Variants in PDS5A observed in about 807,000 individuals in gnomAD.
PDS5A encodes PDS5 cohesin associated factor A.
A neutral mutation model predicts 167.1 loss-of-function variants in PDS5A; 42 were observed. The ratio of observed to expected loss-of-function variants is 0.25; its 90% CI spans 0.20 to 0.33. PDS5A has a LOEUF of 0.33. Among genes scored for constraint, PDS5A ranks in the 10% least tolerant of loss-of-function variants. The pLI is 1.00. For synonymous variants in PDS5A, 553 were observed against 554.6 expected, an observed-to-expected ratio of 1.00 and a Z score of 0.04; for missense variants, 1,033 against 1,605.9, an observed-to-expected ratio of 0.64 and a Z score of 6.10.
intron 2 of PDS5A, chr4:39,974,142 C>G: frequency 1.7e-6 from 1 of 573,972 alleles, no homozygotes; most frequent in South Asian, 1.4e-5. Context: ...AAAAACCGTG[C>G]TGCATACTCT....
chr4:39,873,157 A>G lies in PDS5A; in HGVS notation c.2278-13T>C. Reference sequence around the variant, plus strand: ...TCCTACTGAGTGGCTATAAAAATAAAACAGACAAAATTACCAATTTGTTTG... The same window carrying G: ...TCCTACTGAGTGGCTATAAAAATAAGACAGACAAAATTACCAATTTGTTTG... On this transcript the variant is annotated splice_polypyrimidine_tract_variant and intron_variant, in intron 20 of 32. Coordinates refer to ENST00000303538, the MANE Select transcript of PDS5A (RefSeq NM_001100399.2). 1 of 1,446,938 alleles carries G rather than the reference A, an allele frequency of 6.9e-7. No homozygotes were observed. 89.6% of individuals were successfully genotyped at this position (1,446,938 alleles called of 1,614,324 possible).
chr4:39,973,379 G>A (rs1730753181), intron 2 of PDS5A: 3 of 1,601,444 alleles, frequency 1.9e-6, no homozygotes, highest in African/African-American at 2.7e-5. Context: ...TGTTGCTGAG[G>A]ATTGCGAACT....
rs573474029 is a variant in PDS5A at position 39,862,997 on chromosome 4, T to C, written c.2843A>G (p.Glu948Gly). ...ACACAAGGCAAAGATCGCCATATAC[T>C]CCAATGGGAGCAGTAACTTCACAAG... is the stretch of plus-strand genomic sequence containing the variant. ...KALVKLLLPLEYMAIFALCAK... is the reference protein window; with the variant it reads ...KALVKLLLPLGYMAIFALCAK... Residue 948 changes from glutamate to glycine, a missense_variant, in exon 25 of 33, where the codon GAG becomes GGG. Coordinates refer to ENST00000303538, the MANE Select transcript of PDS5A (RefSeq NM_001100399.2). 3 of 1,613,464 alleles carry C rather than the reference T, an allele frequency of 1.9e-6. No individual in the cohort carries two copies. The highest frequency in any genetic ancestry group is 2.7e-5 in the African/African-American group (2 of 75,038).
intron 2 of PDS5A, among the ~76,000 whole-genome samples, chr4:39,942,197 ATATGTT>A (rs1200471298): frequency 6.6e-6 from 1 of 152,148 alleles, no homozygotes; most frequent in Non-Finnish European, 1.5e-5. Flanking sequence ...ATACATATGT[ATATGTT>A]TATATATAAT....
At chr4:39,830,955 G>T (rs1334379555) in intron 32 of PDS5A, among the ~76,000 whole-genome samples, 1 of 152,218 alleles carries the variant, frequency 6.6e-6, no homozygotes, top group Non-Finnish European at 1.5e-5. Context: ...TTACAGTTCT[G>T]CCGGGCGCAA....
intron 2 of PDS5A, among the ~76,000 whole-genome samples, chr4:39,948,205 C>T (rs1404504605): frequency 9.5e-6 from 1 of 105,768 alleles, no homozygotes; most frequent in Non-Finnish European, 2.0e-5. Flanking sequence ...CAAGATATCC[C>T]GTCTCAAAAA....
chr4:39,830,597 G>C lies in PDS5A; in HGVS notation c.4011-5109C>G, dbSNP rs147758327. On this transcript the variant is annotated intron_variant, in intron 32 of 32. Coordinates refer to ENST00000303538, the MANE Select transcript of PDS5A (RefSeq NM_001100399.2). Reference sequence around the variant, plus strand: ...TGTGCCACCACGCCCAGCTAATTTTGTATTTTTAGTAGAGATAGGGTTTCA... The same window carrying C: ...TGTGCCACCACGCCCAGCTAATTTTCTATTTTTAGTAGAGATAGGGTTTCA... Among the ~76,000 whole-genome samples, 396 of 152,136 alleles carry C rather than the reference G, an allele frequency of 2.6e-3. 2 individuals carry two copies. The highest frequency in any genetic ancestry group is 5.0e-3 in the Non-Finnish European group (338 of 67,986).
intron 2 of PDS5A, among the ~76,000 whole-genome samples, chr4:39,962,264 G>A (rs918006292): frequency 6.6e-6 from 1 of 151,666 alleles, no homozygotes; most frequent in Non-Finnish European, 1.5e-5. Flanking sequence ...CACTGTGTTA[G>A]CCAGGATGGT....
At chr4:39,897,142 C>G (rs980397487) in intron 16 of PDS5A, among the ~76,000 whole-genome samples, 2 of 151,926 alleles carry the variant, frequency 1.3e-5, no homozygotes, top group African/African-American at 4.8e-5. Context: ...GCCTGTAACC[C>G]CAGCACTTTG....
intron 13 of PDS5A, among the ~76,000 whole-genome samples, chr4:39,900,961 A>G (rs535978691): frequency 2.6e-5 from 4 of 152,368 alleles, no homozygotes; most frequent in Admixed American, 6.5e-5. Flanking sequence ...GAAGCACTAT[A>G]GACTATTTTG....
intron 31 of PDS5A, 25 bp from the exon 32 acceptor site, chr4:39,838,233 T>A: frequency 7.2e-7 from 1 of 1,391,502 alleles, no homozygotes; most frequent in Non-Finnish European, 9.7e-7. Context: ...AACAATTCTA[T>A]AAACACAAAT....
chr4:39,970,648 T>C (rs942909877), intron 2 of PDS5A, among the ~76,000 whole-genome samples: 3 of 152,012 alleles, frequency 2.0e-5, no homozygotes, highest in African/African-American at 7.3e-5. Context: ...GCCACTAAAC[T>C]GCCCTGTGAC....
chr4:39,825,382 T>G lies in PDS5A; in HGVS notation c.*103A>C. ...AAGGCAGAGAGTGTGTGTTCTGAAG[T>G]GAGCTTCATTTTCTGTTCAGGGACA... On this transcript the variant is annotated 3_prime_UTR_variant, in exon 33 of 33. Transcript: ENST00000303538. The G allele has an allele frequency of 1.1e-6, 1 of 904,136 alleles. No individual in the cohort carries two copies. Among genetic ancestry groups the G allele is most frequent in the Non-Finnish European group, 1.7e-6 (1 of 578,040 alleles). 56.0% of individuals were successfully genotyped at this position (904,136 alleles called of 1,614,324 possible).
chr4:39,831,647 G>C (rs1365483597), intron 32 of PDS5A, among the ~76,000 whole-genome samples: 1 of 151,488 alleles, frequency 6.6e-6, no homozygotes, highest in Non-Finnish European at 1.5e-5. Flanking sequence ...GGAGGCCAAG[G>C]TGGGCGGATC....
At chr4:39,922,596 C>A in intron 6 of PDS5A, 26 bp downstream of exon 6, 1 of 1,507,118 alleles carries the variant, frequency 6.6e-7, no homozygotes, top group Admixed American at 2.2e-5. Context: ...AAACATTAAC[C>A]TTGAATATCT....
chr4:39,919,652 ATT>A (rs960096535), intron 7 of PDS5A, among the ~76,000 whole-genome samples: 3 of 151,870 alleles, frequency 2.0e-5, no homozygotes, highest in African/African-American at 7.2e-5. Flanking sequence ...CTCAAAAAAA[ATT>A]TTTTTTTCAT....
chr4:39,861,190 G>A (rs1325124656), intron 26 of PDS5A, among the ~76,000 whole-genome samples: 1 of 152,036 alleles, frequency 6.6e-6, no homozygotes, highest in Non-Finnish European at 1.5e-5. Flanking sequence ...GCCAAGTGCG[G>A]TGGCTCACGT....
At chr4:39,864,843 T>C (rs922522215) in intron 23 of PDS5A, among the ~76,000 whole-genome samples, 7 of 152,260 alleles carry the variant, frequency 4.6e-5, no homozygotes, top group African/African-American at 1.4e-4. Context: ...AAGGTAATAC[T>C]ATATTATATG....
intron 2 of PDS5A, among the ~76,000 whole-genome samples, chr4:39,943,620 C>CAAAAAAAAAAAAAAAAAAA (rs67431661): frequency 9.1e-6 from 1 of 109,806 alleles, no homozygotes; most frequent in African/African-American, 3.6e-5. Context: ...CCCGTTTCTA[C>CAAAAAAAAAAAAAAAAAAA]AAAAAAAAAA....
Sources: gnomAD v4.1 joint callset for allele counts (sites outside exome capture counted in the v4.1 genomes callset) on GRCh38, gnomAD v4.1.1 for gene constraint, MANE v1.5 for transcripts, NCBI Gene and HGNC (gene_info 2026-07-23, HGNC 2026-07-21) for gene names.